PPFIA4: variants seen among roughly 807,000 people sequenced by gnomAD.
The protein encoded by PPFIA4 is PPFI scaffold protein A4, also known as liprin-alpha-4.
In PPFIA4, 98 loss-of-function variants were observed where a neutral mutation model predicts 145.7. The ratio of observed to expected loss-of-function variants is 0.67; its 90% CI spans 0.57 to 0.80. The LOEUF is 0.80. PPFIA4 is among the 30% of genes least tolerant of loss of function. PPFIA4 has a pLI of 0.00. For synonymous variants in PPFIA4, 628 were observed against 649.6 expected (o/e 0.97, Z 0.51); for missense variants, 1,457 against 1,632.7 (o/e 0.89, Z 1.85).
At chr1:203,056,307 C>A in intron 17 of PPFIA4, 68 bp from the exon 18 acceptor site, 1 of 1,601,344 alleles carries the variant, frequency 6.2e-7, no homozygotes, top group Non-Finnish European at 8.5e-7. Context: ...TCCGCCACCT[C>A]TTCTGGGCTG....
rs1300338504 is a variant in PPFIA4 at position 203,048,013 on chromosome 1, G to A, written c.1141-214G>A. ...TTTTAAGGCTAGGCCTGAGCGAGGA[G>A]GAGGCAGGGGAGACCTGGCAGGTAT... On this transcript the variant is annotated intron_variant, in intron 9 of 29. Transcript: ENST00000295706. This position sits in a 1 kb window ranked among gnomAD's most constrained non-coding sequence, Gnocchi z 5.8. Among the ~76,000 whole-genome samples, 1 of 152,204 alleles carries A rather than the reference G, an allele frequency of 6.6e-6. No homozygotes were observed. The highest frequency in any genetic ancestry group is 1.5e-5 in the Non-Finnish European group (1 of 68,034).
intron 13 of PPFIA4, 135 bp downstream of exon 13, chr1:203,049,902 G>A (rs890437270): frequency 1.3e-6 from 1 of 753,630 alleles, no homozygotes; most frequent in Non-Finnish European, 1.9e-6. Context: ...CTGAGGCTCA[G>A]ATAACTTGGT....
rs77825912 is a variant in PPFIA4, at chr1:203,075,125, A to C, written c.3394-452A>C. Among the ~76,000 whole-genome samples, 106 of 152,270 alleles carry C rather than the reference A, an allele frequency of 7.0e-4. No homozygotes were observed. The South Asian group carries it at 0.013, about 18-fold the overall frequency. The stretch of plus-strand genomic sequence containing the variant: ...GCCAGGTGTCTGACTCCCGCCCGAC[A>C]TAGTACTCTTCTGGTATACTGGGCT... On this transcript the variant is annotated intron_variant, in intron 28 of 29. Coordinates refer to ENST00000295706, the MANE Select transcript of PPFIA4 (RefSeq NM_001304331.2). This position sits in a 1 kb window ranked among gnomAD's most constrained non-coding sequence, Gnocchi z 4.1.
Position 203,039,068 on chromosome 1 carries a change from C to T in PPFIA4, c.60C>T (p.Ala20=), listed in dbSNP as rs546191595. 16 of 1,603,854 alleles carry T rather than the reference C, an allele frequency of 1.0e-5. No individual in the cohort carries two copies. The highest frequency in any genetic ancestry group is 1.7e-5 in the Admixed American group (1 of 58,488). ...EGDRLGPPHG[A]DADANFEQLM... ...ACCGCCTGGGTCCCCCTCATGGCGC[C>T]GATGCTGACGCCAACTTCGAGCAGC... Residue 20 remains alanine, a synonymous_variant, in exon 2 of 30, where the codon GCC becomes GCT. Transcript: ENST00000295706.
At chr1:203,037,353 G>A (rs561351730) in intron 1 of PPFIA4, among the ~76,000 whole-genome samples, 7 of 152,244 alleles carry the variant, frequency 4.6e-5, no homozygotes, top group African/African-American at 1.4e-4. Context: ...CACCCCGAGG[G>A]TAGACAGAAG....
chr1:203,026,711 C>A (rs1238328299), intron 1 of PPFIA4, 82 bp downstream of exon 1: 1 of 152,294 alleles, frequency 6.6e-6, no homozygotes, highest in African/African-American at 2.4e-5. Flanking sequence ...GGAGGGGTCT[C>A]GTCTATCGCA....
chr1:203,034,202 G>A (rs1052747068), intron 1 of PPFIA4, among the ~76,000 whole-genome samples: 2 of 152,194 alleles, frequency 1.3e-5, no homozygotes, highest in Non-Finnish European at 1.5e-5. Flanking sequence ...AGCTTAGCAA[G>A]GTGATCTAAG....
chr1:203,067,658 C>T, intron 25 of PPFIA4, 37 bp from the exon 26 acceptor site: 1 of 1,576,416 alleles, frequency 6.3e-7, no homozygotes, highest in Non-Finnish European at 8.7e-7. Flanking sequence ...GAATGTGGCC[C>T]CACTGAGGCT....
chr1:203,066,413 T>C (rs1390746150), intron 25 of PPFIA4, among the ~76,000 whole-genome samples: 1 of 152,052 alleles, frequency 6.6e-6, no homozygotes, highest in Non-Finnish European at 1.5e-5. Flanking sequence ...TCAATAAGAG[T>C]CAAAAGCAGG....
intron 1 of PPFIA4, among the ~76,000 whole-genome samples, chr1:203,032,157 A>G (rs1323086038): frequency 2.6e-5 from 4 of 151,838 alleles, no homozygotes; most frequent in Non-Finnish European, 1.5e-5. Context: ...TACAATTGAA[A>G]CCTTAATCAG....
chr1:203,072,136 G>A (rs1221274488), intron 28 of PPFIA4, among the ~76,000 whole-genome samples: 2 of 152,100 alleles, frequency 1.3e-5, no homozygotes, highest in African/African-American at 4.8e-5. Context: ...TATCTTCAGT[G>A]CTGAGCTCAG....
At chr1:203,061,506 CT>C in intron 23 of PPFIA4, 145 bp from the exon 24 acceptor site, 1 of 804,494 alleles carries the variant, frequency 1.2e-6, no homozygotes, top group Non-Finnish European at 1.9e-6. Flanking sequence ...CTTGTGTTCT[CT>C]CTTAACCATC....
At chr1:203,059,931 A>G (rs1479088531) in intron 21 of PPFIA4, 80 bp downstream of exon 21, 1 of 1,188,004 alleles carries the variant, frequency 8.4e-7, no homozygotes, top group Non-Finnish European at 1.2e-6. Flanking sequence ...GTGTCCTAGA[A>G]CTTTTACAGT....
rs769469547 is a variant in PPFIA4, at chr1:203,043,496, C to T, written c.334C>T (p.Arg112Trp). ...SELKAERNNT[R>W]LLLEHLECLV... ...ACTGAAAGCAGAACGGAATAACACA[C>T]GGGTAAGTGGGGATGACCTTGTGTC... Residue 112 changes from arginine to tryptophan, a missense_variant and splice_region_variant, in exon 3 of 30, where the codon CGG (arginine) becomes TGG (tryptophan). Physicochemically the swap from Arg to Trp is moderately radical, Grantham distance 101. Transcript: ENST00000295706. This position sits in a 1 kb window ranked among gnomAD's most constrained non-coding sequence, Gnocchi z 4.4. 42 of 1,605,706 alleles carry T rather than the reference C, an allele frequency of 2.6e-5. No homozygotes were observed. The Admixed American group carries it at 4.8e-4, about 18-fold the overall frequency.
chr1:203,062,280 A>G (rs1176554045), intron 24 of PPFIA4, among the ~76,000 whole-genome samples: 4 of 151,740 alleles, frequency 2.6e-5, no homozygotes, highest in Non-Finnish European at 5.9e-5. Context: ...GATCAAGACC[A>G]TCCTGGCTAA....
At position 203,068,717 on chromosome 1, in the gene PPFIA4, A is replaced by G; in HGVS notation, c.3324+89A>G. 1 of 1,319,908 alleles carries G rather than the reference A, an allele frequency of 7.6e-7. No individual in the cohort carries two copies. Among genetic ancestry groups the G allele is most frequent in the South Asian group, 1.9e-5 (1 of 53,984 alleles). 81.8% of individuals were successfully genotyped at this position (1,319,908 alleles called of 1,614,324 possible). ...TTCCCTCATACACAAAGGCTTAGGT[A>G]TCTTGGGGGGTGGGGAGCTTTTCTA... On this transcript the variant is annotated intron_variant, in intron 27 of 29. Transcript: ENST00000295706. This position sits in a 1 kb window ranked among gnomAD's most constrained non-coding sequence, Gnocchi z 4.7.
intron 27 of PPFIA4, among the ~76,000 whole-genome samples, chr1:203,069,755 A>ACCCCCCCCCCCCCCCCCCC (rs5780138): frequency 1.9e-5 from 2 of 104,766 alleles, no homozygotes; most frequent in Admixed American, 9.9e-5. Context: ...TTCTGCAGTG[A>ACCCCCCCCCCCCCCCCCCC]CCCCCCCGCC....
chr1:203,070,270 G>A (rs1662055177), intron 27 of PPFIA4, among the ~76,000 whole-genome samples: 3 of 151,930 alleles, frequency 2.0e-5, no homozygotes, highest in African/African-American at 4.8e-5. Context: ...GACCCAATAC[G>A]GAATCCCTCA....
Position 203,075,687 on chromosome 1 carries a change from G to T in PPFIA4, c.3504G>T (p.Ala1168=). The change falls in exon 29 of 30, where the codon GCG becomes GCT. Residue 1168 remains alanine (A), a synonymous_variant. Transcript: ENST00000295706. The surrounding 1 kb of genome is among the most constrained non-coding windows in gnomAD (Gnocchi z 4.1). Reference sequence around the variant, plus strand: ...GCGCTTCCGCGGAGACCCTCCCGGCGGGCTTCCGTGTGTCCACCCTGGGGA... The same window carrying T: ...GCGCTTCCGCGGAGACCCTCCCGGCTGGCTTCCGTGTGTCCACCCTGGGGA... ...MLSASAETLP[A]GFRVSTLGTL... 6.7e-7 allele frequency: 1 copy of T among 1,489,562 alleles called. No homozygotes were observed. Among genetic ancestry groups the T allele is most frequent in the East Asian group, 2.8e-5 (1 of 35,958 alleles). 92.3% of individuals were successfully genotyped at this position (1,489,562 alleles called of 1,614,324 possible). A position where few individuals can be genotyped will look rare whatever the true frequency, so the allele number is the denominator to read the frequency against.
Sources: allele counts gnomAD v4.1 joint callset (sites outside exome capture counted in the v4.1 genomes callset), GRCh38; gene constraint gnomAD v4.1.1; non-coding constraint Gnocchi (gnomAD v3.1); transcripts MANE v1.5; gene names NCBI Gene and HGNC (gene_info 2026-07-23, HGNC 2026-07-21).